CSNK1G3: variants seen among roughly 807,000 people sequenced by gnomAD.
CSNK1G3 encodes casein kinase I isoform gamma-3.
Under a neutral mutation model 64.3 loss-of-function variants are expected in CSNK1G3, and 23 were observed. The observed-to-expected ratio is 0.36, with a 90% CI of 0.26 to 0.51. The LOEUF is 0.51. CSNK1G3 is among the 20% of genes least tolerant of loss of function. The pLI, the probability that CSNK1G3 is intolerant of heterozygous loss-of-function variation, is 0.96. For missense variants in CSNK1G3, 357 were observed against 510.5 expected (o/e 0.70, Z 2.90); for synonymous variants, 158 against 162.2 (o/e 0.97, Z 0.20).
At chr5:123,595,169 C>A (rs1480232811) in intron 10 of CSNK1G3, 35 bp downstream of exon 11, 1 of 1,571,908 alleles carries the variant, frequency 6.4e-7, no homozygotes, top group Non-Finnish European at 8.7e-7. Flanking sequence ...GATTATTACC[C>A]AGATTTATAC....
intron 4 of CSNK1G3, among the ~76,000 whole-genome samples, chr5:123,572,682 G>A (rs1304279134): frequency 1.3e-5 from 2 of 152,140 alleles, no homozygotes; most frequent in South Asian, 4.1e-4. Context: ...TTCCTATCTG[G>A]CATGTGGCTC....
chr5:123,525,908 G>A lies in CSNK1G3; in HGVS notation c.-248+13338G>A, dbSNP rs560439515. Among the ~76,000 whole-genome samples, 290 of 150,208 alleles carry A rather than the reference G, an allele frequency of 1.9e-3. 1 individual carries two copies. The highest frequency in any genetic ancestry group is 7.0e-3 in the African/African-American group (288 of 40,860). On this transcript the variant is annotated intron_variant, in intron 1 of 12. Coordinates refer to ENST00000345990, the Ensembl canonical transcript of CSNK1G3. ...AGCTACTTGGGAAGCTGAGGCAGGAGAACGGCATGAACCTGGGAGGCGGAG... is the reference window on the plus strand; with the variant it reads ...AGCTACTTGGGAAGCTGAGGCAGGAAAACGGCATGAACCTGGGAGGCGGAG...
exon 6 of CSNK1G3, chr5:123,575,940 G>A: frequency 6.2e-7 from 1 of 1,610,832 alleles, no homozygotes; most frequent in Non-Finnish European, 8.5e-7. Flanking sequence ...AGATATATGA[G>A]CATAAACACA....
At chr5:123,523,318 G>T (rs906199154) in intron 1 of CSNK1G3, among the ~76,000 whole-genome samples, 1 of 152,046 alleles carries the variant, frequency 6.6e-6, no homozygotes, top group African/African-American at 2.4e-5. Flanking sequence ...ATGATAATAG[G>T]GTTTTATAGG....
chr5:123,518,129 C>G (rs973747446), intron 1 of CSNK1G3, among the ~76,000 whole-genome samples: 1 of 152,142 alleles, frequency 6.6e-6, no homozygotes, highest in African/African-American at 2.4e-5. Flanking sequence ...GTTCCAACAT[C>G]TCCATCCAAT....
chr5:123,547,302 A>G (rs530836782), intron 2 of CSNK1G3, among the ~76,000 whole-genome samples: 5 of 152,144 alleles, frequency 3.3e-5, no homozygotes, highest in South Asian at 2.1e-4. Flanking sequence ...GACCAACACT[A>G]TACTTGCATA....
chr5:123,591,409 A>C, exon 10 of CSNK1G3: 2 of 1,605,556 alleles, frequency 1.2e-6, no homozygotes, highest in Non-Finnish European at 1.7e-6. Context: ...ACAATCCAAA[A>C]ACCAGGTTTG....
intron 10 of CSNK1G3, among the ~76,000 whole-genome samples, chr5:123,600,442 C>T (rs544137004): frequency 2.8e-4 from 42 of 151,670 alleles, no homozygotes; most frequent in African/African-American, 8.7e-4. Flanking sequence ...CTGGCCAACA[C>T]GGTGAAACCC....
At chr5:123,579,611 A>G (rs1434442114) in intron 6 of CSNK1G3, among the ~76,000 whole-genome samples, 1 of 151,916 alleles carries the variant, frequency 6.6e-6, no homozygotes, top group African/African-American at 2.4e-5. Context: ...TTAGGGCCTA[A>G]TGTTCCTTAT....
At chr5:123,536,035 T>C (rs182132405) in intron 1 of CSNK1G3, among the ~76,000 whole-genome samples, 1 of 152,272 alleles carries the variant, frequency 6.6e-6, no homozygotes, top group Non-Finnish European at 1.5e-5. Context: ...AAAAGTCCTT[T>C]ATGTGCTTTT....
At chr5:123,566,540 A>T (rs1258065781) in intron 4 of CSNK1G3, among the ~76,000 whole-genome samples, 1 of 152,128 alleles carries the variant, frequency 6.6e-6, no homozygotes, top group African/African-American at 2.4e-5. Flanking sequence ...ATTTCTAAAG[A>T]ATCTCTACCT....
At chr5:123,591,352 G>A (rs751857393) in exon 10 of CSNK1G3, 1 of 1,610,022 alleles carries the variant, frequency 6.2e-7, no homozygotes, top group Non-Finnish European at 8.5e-7. Context: ...GCAAGATCCT[G>A]CTCTGTCATC....
At chr5:123,556,764 TTGTGTGTGTGTG>T (rs5871049) in intron 3 of CSNK1G3, among the ~76,000 whole-genome samples, 3 of 148,766 alleles carry the variant, frequency 2.0e-5, no homozygotes, top group Non-Finnish European at 3.0e-5. Context: ...CTGTACATGT[TTGTGTGTGTGTG>T]TGTGTGTGTG....
chr5:123,573,355 A>T (rs1238970994), intron 4 of CSNK1G3, 38 bp from the exon 5 acceptor site: 1 of 1,595,976 alleles, frequency 6.3e-7, no homozygotes, highest in Non-Finnish European at 8.6e-7. Flanking sequence ...AGTATTTAAG[A>T]TGATGAAATT....
chr5:123,554,665 T>G (rs767953797), intron 3 of CSNK1G3, among the ~76,000 whole-genome samples: 9 of 152,240 alleles, frequency 5.9e-5, no homozygotes, highest in Admixed American at 2.0e-4. Flanking sequence ...CTTTCATTTC[T>G]TTGAAATTCT....
intron 4 of CSNK1G3, among the ~76,000 whole-genome samples, chr5:123,572,930 G>A (rs1293486848): frequency 6.6e-6 from 1 of 152,168 alleles, no homozygotes; most frequent in Non-Finnish European, 1.5e-5. Flanking sequence ...ACGTTCAAAG[G>A]GAGGGGTTTA....
intron 1 of CSNK1G3, among the ~76,000 whole-genome samples, chr5:123,520,864 A>T (rs988964212): frequency 6.6e-6 from 1 of 151,658 alleles, no homozygotes; most frequent in African/African-American, 2.4e-5. Flanking sequence ...GTAAAAAGGG[A>T]AGTGAAAATG....
intron 1 of CSNK1G3, among the ~76,000 whole-genome samples, chr5:123,523,777 T>C (rs994582666): frequency 6.6e-6 from 1 of 152,216 alleles, no homozygotes; most frequent in Non-Finnish European, 1.5e-5. Context: ...CCAAAACTTT[T>C]TCTGTGTGTT....
chr5:123,588,026 C>A, intron 6 of CSNK1G3, 42 bp from the exon 7 acceptor site: 1 of 1,270,836 alleles, frequency 7.9e-7, no homozygotes. Context: ...CCATTCTTAA[C>A]TGTTAGAGAA....
Sources: allele counts gnomAD v4.1 joint callset (sites outside exome capture counted in the v4.1 genomes callset), GRCh38; gene constraint gnomAD v4.1.1; transcripts MANE v1.5; gene names NCBI Gene and HGNC (gene_info 2026-07-23, HGNC 2026-07-21).